MTA1: variants seen among roughly 807,000 people sequenced by gnomAD.
The protein encoded by MTA1 is metastasis-associated protein MTA1.
A neutral mutation model predicts 97.0 loss-of-function variants in MTA1; 15 were observed. That is an observed-to-expected ratio of 0.15 (90% CI 0.10 to 0.24). MTA1 has a LOEUF of 0.24. MTA1 is among the 10% of genes least tolerant of loss of function. The pLI, the probability that MTA1 is intolerant of heterozygous loss-of-function variation, is 1.00. For synonymous variants in MTA1, 435 were observed against 417.5 expected (o/e 1.04, Z -0.51); for missense variants, 709 against 1,015.1 (o/e 0.70, Z 4.10).
rs1449500223 is a variant in MTA1 at position 105,422,156 on chromosome 14, C to T, written c.28+2093C>T. Among the ~76,000 whole-genome samples the T allele has an allele frequency of 6.6e-6, 1 of 152,180 alleles. No individual in the cohort carries two copies. Among genetic ancestry groups the T allele is most frequent in the African/African-American group, 2.4e-5 (1 of 41,442 alleles). The stretch of plus-strand genomic sequence containing the variant: ...CCGCCCCGAGGACTTCCTCTCCCTG[C>T]AGGTGAGACTGTAGGCCTCCCCCTC... On this transcript the variant is annotated intron_variant, in intron 1 of 20. Coordinates refer to ENST00000331320, the MANE Select transcript of MTA1 (RefSeq NM_004689.4). This position sits in a 1 kb window ranked among gnomAD's most constrained non-coding sequence, Gnocchi z 4.3.
intron 3 of MTA1, chr14:105,445,951 C>T (rs979795660): frequency 9.1e-6 from 3 of 328,024 alleles, no homozygotes; most frequent in South Asian, 2.3e-5. Flanking sequence ...GGAAAGCAGT[C>T]CTCTCCTTAT....
At chr14:105,469,766 T>TTGGCTGGTGG (rs1555433858) in intron 19 of MTA1, 75 bp from the exon 20 acceptor site, 4 of 1,547,712 alleles carry the variant, frequency 2.6e-6, no homozygotes, top group East Asian at 4.9e-5. Context: ...GCACAGCACC[T>TTGGCTGGTGG]CCCAGCGGGA....
rs587713007 is a variant in MTA1 at position 105,466,311 on chromosome 14, G to A, written c.1625-115G>A. ...CAGGATGGGGCCTCGGGTGGGGGCC[G>A]CATGGGGCTTAGTTCCTGGGGGTAT... On this transcript the variant is annotated intron_variant, in intron 16 of 20. Coordinates refer to ENST00000331320, the MANE Select transcript of MTA1 (RefSeq NM_004689.4). 186 of 937,450 alleles carry A rather than the reference G, an allele frequency of 2.0e-4. 1 individual carries two copies. In the African/African-American group the frequency reaches 2.4e-3, roughly 12 times the overall value. 58.1% of individuals were successfully genotyped at this position (937,450 alleles called of 1,614,324 possible). A position where few individuals can be genotyped will look rare whatever the true frequency, so the allele number is the denominator to read the frequency against.
chr14:105,440,377 G>A (rs971766763), intron 2 of MTA1, among the ~76,000 whole-genome samples: 15 of 152,334 alleles, frequency 9.8e-5, no homozygotes, highest in African/African-American at 2.9e-4. Flanking sequence ...AGGGGCGGCC[G>A]GCAGATGGCA....
chr14:105,464,665 C>A lies in MTA1; in HGVS notation c.1345-9C>A. The A allele has an allele frequency of 6.2e-7, 1 of 1,602,468 alleles. No individual in the cohort carries two copies. Reference sequence around the variant, plus strand: ...CGCTGTGTTGGGGCGGTTGCGCCCCCTTCCGCAGAGTCCCCACGGCCTCCC... The same window carrying A: ...CGCTGTGTTGGGGCGGTTGCGCCCCATTCCGCAGAGTCCCCACGGCCTCCC... On this transcript the variant is annotated splice_polypyrimidine_tract_variant and intron_variant, in intron 14 of 20. Transcript: ENST00000331320.
intron 10 of MTA1, 134 bp downstream of exon 10, chr14:105,461,087 C>A: frequency 1.0e-6 from 1 of 960,454 alleles, no homozygotes; most frequent in Non-Finnish European, 1.5e-6. Context: ...TGCGGAGCTG[C>A]ATGAGTTCTG....
chr14:105,464,280 T>C (rs587608748), intron 13 of MTA1, 133 bp downstream of exon 13: 11 of 1,324,770 alleles, frequency 8.3e-6, no homozygotes, highest in Admixed American at 4.5e-5. Flanking sequence ...GTCCCAGGGG[T>C]GTGGTTGGGA....
intron 10 of MTA1, 36 bp downstream of exon 10, chr14:105,460,989 C>A: frequency 6.3e-7 from 1 of 1,581,916 alleles, no homozygotes; most frequent in South Asian, 1.2e-5. Context: ...GAGTGGCTGG[C>A]CATGCCCATC....
intron 1 of MTA1, among the ~76,000 whole-genome samples, chr14:105,425,249 C>G (rs1173438704): frequency 6.6e-6 from 1 of 152,180 alleles, no homozygotes; most frequent in African/African-American, 2.4e-5. Flanking sequence ...TTAGACCCTA[C>G]CTTAGACTCC....
At chr14:105,425,750 G>A (rs2081990039) in intron 1 of MTA1, among the ~76,000 whole-genome samples, 1 of 151,366 alleles carries the variant, frequency 6.6e-6, no homozygotes, top group Admixed American at 6.6e-5. Context: ...GATCTTGGTG[G>A]CGATGGAGCC....
chr14:105,465,044 C>T lies in MTA1; in HGVS notation c.1535-50C>T, dbSNP rs587716762. The T allele has an allele frequency of 1.1e-4, 158 of 1,463,666 alleles. 1 individual carries two copies. In the South Asian group the frequency reaches 1.5e-3, roughly 14 times the overall value. 90.7% of individuals were successfully genotyped at this position (1,463,666 alleles called of 1,614,324 possible). On this transcript the variant is annotated intron_variant, in intron 15 of 20. Coordinates refer to ENST00000331320, the MANE Select transcript of MTA1 (RefSeq NM_004689.4). ...CCAGGTCAAGGCGCAGGCAGGGTCC[C>T]GTGCTCCCCTGGGGGTGCCCCACCC...
intron 1 of MTA1, among the ~76,000 whole-genome samples, chr14:105,434,067 C>A (rs759544293): frequency 4.1e-4 from 63 of 152,190 alleles, no homozygotes; most frequent in Non-Finnish European, 6.6e-4. Context: ...AAGTGATCTG[C>A]CCGCCTCCTG....
intron 6 of MTA1, among the ~76,000 whole-genome samples, chr14:105,453,373 G>T (rs1022554189): frequency 6.6e-6 from 1 of 152,252 alleles, no homozygotes; most frequent in Non-Finnish European, 1.5e-5. Flanking sequence ...TTGTAGCCGG[G>T]CATAGCACAC....
At chr14:105,440,097 GT>G (rs1433349871) in intron 2 of MTA1, among the ~76,000 whole-genome samples, 1 of 152,198 alleles carries the variant, frequency 6.6e-6, no homozygotes, top group African/African-American at 2.4e-5. Context: ...GGCCAGGCCT[GT>G]TTGTTGGAGG....
intron 1 of MTA1, among the ~76,000 whole-genome samples, chr14:105,433,635 C>T (rs1555423843): frequency 6.6e-6 from 1 of 152,158 alleles, no homozygotes; most frequent in African/African-American, 2.4e-5. Context: ...GACAGTGTGC[C>T]TGGCAGTACC....
Position 105,422,011 on chromosome 14 carries a change from G to A in MTA1, c.28+1948G>A, listed in dbSNP as rs2081853628. ...TCTCTTTTCCTGTGATGAGGAGCAT[G>A]GGAGGTTGGGTGCTGTCTGCTGGCA... is the stretch of plus-strand genomic sequence containing the variant. On this transcript the variant is annotated intron_variant, in intron 1 of 20. Transcript: ENST00000331320. The surrounding 1 kb of genome is among the most constrained non-coding windows in gnomAD (Gnocchi z 4.3). Among the ~76,000 whole-genome samples the A allele has an allele frequency of 2.6e-5, 4 of 152,194 alleles. No individual in the cohort carries two copies. Among genetic ancestry groups the A allele is most frequent in the African/African-American group, 7.2e-5 (3 of 41,444 alleles).
At chr14:105,441,664 G>A (rs587638922) in intron 2 of MTA1, among the ~76,000 whole-genome samples, 4 of 152,258 alleles carry the variant, frequency 2.6e-5, no homozygotes, top group Non-Finnish European at 5.9e-5. Context: ...CGTGGTGGCG[G>A]GCGCCTGTGA....
At chr14:105,441,471 T>C (rs587695319) in intron 2 of MTA1, among the ~76,000 whole-genome samples, 2 of 152,240 alleles carry the variant, frequency 1.3e-5, no homozygotes, top group African/African-American at 4.8e-5. Flanking sequence ...GGGGGGCTTT[T>C]AACAGGAAGG....
chr14:105,464,015 T>C lies in MTA1; in HGVS notation c.1077-17T>C. 5 of 1,611,876 alleles carry C rather than the reference T, an allele frequency of 3.1e-6. No individual in the cohort carries two copies. Among genetic ancestry groups the C allele is most frequent in the Non-Finnish European group, 4.2e-6 (5 of 1,179,362 alleles). The stretch of plus-strand genomic sequence containing the variant: ...GTGCTCCTGCAACTCCTCTCGTCTC[T>C]CCTTTCCCTCTTTAAGTAACAAGCC... On this transcript the variant is annotated splice_polypyrimidine_tract_variant and intron_variant, in intron 12 of 20. Coordinates refer to ENST00000331320, the MANE Select transcript of MTA1 (RefSeq NM_004689.4).
Sources: allele counts gnomAD v4.1 joint callset (sites outside exome capture counted in the v4.1 genomes callset), GRCh38; gene constraint gnomAD v4.1.1; non-coding constraint Gnocchi (gnomAD v3.1); transcripts MANE v1.5; gene names NCBI Gene and HGNC (gene_info 2026-07-23, HGNC 2026-07-21).